The following FMN1 variants were observed in gnomAD, a reference collection of about 807,000 sequenced individuals.
FMN1 encodes the protein formin 1.
Under a neutral mutation model 132.4 loss-of-function variants are expected in FMN1, and 110 were observed. That is an observed-to-expected ratio of 0.83 (90% CI 0.71 to 0.97). FMN1 has a LOEUF of 0.97. Ranked by LOEUF, FMN1 falls within the 50% of genes least tolerant of loss-of-function variation. The pLI is 0.00. For synonymous variants in FMN1, 722 were observed against 651.7 expected (o/e 1.11, Z -1.64); for missense variants, 1,792 against 1,705.3 (o/e 1.05, Z -0.90).
intron 19 of FMN1, among the ~76,000 whole-genome samples, chr15:32,779,192 C>G (rs2056583914): frequency 6.6e-6 from 1 of 152,120 alleles, no homozygotes; most frequent in Admixed American, 6.5e-5. Flanking sequence ...TCAAAGATTT[C>G]CTCTAAAATC....
chr15:32,854,784 G>A (rs2059087756), intron 17 of FMN1, among the ~76,000 whole-genome samples: 1 of 151,946 alleles, frequency 6.6e-6, no homozygotes, highest in South Asian at 2.1e-4. Context: ...TGTGGTGGTG[G>A]GCGCCTGTAA....
intron 4 of FMN1, among the ~76,000 whole-genome samples, chr15:33,141,775 C>T (rs1222875319): frequency 6.6e-6 from 1 of 152,112 alleles, no homozygotes; most frequent in Non-Finnish European, 1.5e-5. Context: ...TCCCCAGGAA[C>T]TGCCCTCTGC....
intron 19 of FMN1, among the ~76,000 whole-genome samples, chr15:32,791,564 T>C (rs150345997): frequency 4.1e-4 from 62 of 152,130 alleles, no homozygotes; most frequent in Non-Finnish European, 5.1e-4. Context: ...CAAGAGGAAA[T>C]AGAAAACCTC....
At chr15:32,983,401 G>A (rs549224895) in intron 7 of FMN1, among the ~76,000 whole-genome samples, 5 of 152,246 alleles carry the variant, frequency 3.3e-5, no homozygotes, top group Admixed American at 2.0e-4. Context: ...AATTGTTTAC[G>A]GTAATGGAAA....
At chr15:33,039,053 A>C (rs1482750152) in intron 6 of FMN1, among the ~76,000 whole-genome samples, 1 of 152,240 alleles carries the variant, frequency 6.6e-6, no homozygotes, top group Non-Finnish European at 1.5e-5. Context: ...CTGAAGACTG[A>C]GAAAAACTGA....
At position 32,897,221 on chromosome 15, in the gene FMN1, T is replaced by C. The variant is rs149192796; in HGVS notation, c.3714+1613A>G. Among the ~76,000 whole-genome samples, 3 of 152,344 alleles carry C rather than the reference T, an allele frequency of 2.0e-5. No individual in the cohort carries two copies. In the East Asian group the frequency reaches 5.8e-4, roughly 29 times the overall value. ...CCTGTTGGCTATTTGTTTGTCTTAT[T>C]TGGAGAAATGTCTATTCAAGCCCAT... On this transcript the variant is annotated intron_variant, in intron 15 of 20. Transcript: ENST00000616417.
At chr15:33,078,540 T>G (rs2038314668) in intron 5 of FMN1, among the ~76,000 whole-genome samples, 1 of 152,146 alleles carries the variant, frequency 6.6e-6, no homozygotes, top group South Asian at 2.1e-4. Context: ...TTTATGATGT[T>G]CCTATGTGAG....
chr15:33,156,525 A>G (rs1287286368), intron 3 of FMN1, among the ~76,000 whole-genome samples: 5 of 151,778 alleles, frequency 3.3e-5, no homozygotes, highest in African/African-American at 4.8e-5. Flanking sequence ...CTTGGACTCA[A>G]GCGATCCTCC....
Position 32,773,661 on chromosome 15 carries a change from T to C in FMN1, c.*649A>G, listed in dbSNP as rs2140853071. The C allele has an allele frequency of 6.6e-6, 1 of 152,432 alleles. No homozygotes were observed. The allele number at this position is 152,432 out of a possible 1,614,324, so 9.4% of individuals were successfully genotyped here. A position where few individuals can be genotyped will look rare whatever the true frequency, so the allele number is the denominator to read the frequency against. Reference sequence around the variant, plus strand: ...GTAACTTGTTCTCCAGGATGAAGTTTATGGCTATTTGTCTCCCTCTCTCCA... The same window carrying C: ...GTAACTTGTTCTCCAGGATGAAGTTCATGGCTATTTGTCTCCCTCTCTCCA... On this transcript the variant is annotated 3_prime_UTR_variant, in exon 21 of 21. Transcript: ENST00000616417.
chr15:32,864,463 A>G (rs1474112254), intron 16 of FMN1, among the ~76,000 whole-genome samples: 1 of 152,254 alleles, frequency 6.6e-6, no homozygotes, highest in Non-Finnish European at 1.5e-5. Context: ...TTAATGACCC[A>G]TATGTGGAAA....
chr15:32,823,152 G>GTTTTTTTTTTTTT lies in FMN1; in HGVS notation c.3929-18833_3929-18821dup, dbSNP rs373185751. On this transcript the variant is annotated intron_variant, in intron 17 of 20. Transcript: ENST00000616417. ...GTCTCAAAGACAGAGAGTTTCTACT[G>GTTTTTTTTTTTTT]TTTTTTTTTTTTTTTTTTTTTTTTT... Among the ~76,000 whole-genome samples, 8 of 86,230 alleles carry GTTTTTTTTTTTTT rather than the reference G, an allele frequency of 9.3e-5. 1 individual carries two copies. The highest frequency in any genetic ancestry group is 3.7e-4 in the African/African-American group (7 of 18,754). 56.6% of individuals were successfully genotyped at this position (86,230 alleles called of 152,430 possible). A position where few individuals can be genotyped will look rare whatever the true frequency, so the allele number is the denominator to read the frequency against.
intron 7 of FMN1, among the ~76,000 whole-genome samples, chr15:32,971,665 A>G (rs1204370606): frequency 6.6e-6 from 1 of 152,242 alleles, no homozygotes; most frequent in Non-Finnish European, 1.5e-5. Context: ...TTCTTTCAAG[A>G]TTAAGAATCA....
At chr15:32,990,110 C>T (rs535892338) in intron 7 of FMN1, among the ~76,000 whole-genome samples, 3 of 152,196 alleles carry the variant, frequency 2.0e-5, no homozygotes, top group Admixed American at 6.5e-5. Flanking sequence ...TAGCTTTCCA[C>T]AAAAACTTAT....
intron 6 of FMN1, among the ~76,000 whole-genome samples, chr15:33,038,814 TAA>T (rs919767878): frequency 1.3e-5 from 2 of 152,216 alleles, no homozygotes; most frequent in African/African-American, 4.8e-5. Flanking sequence ...CCATTTAAAC[TAA>T]AGAGTACTAA....
intron 3 of FMN1, among the ~76,000 whole-genome samples, chr15:33,168,139 G>A (rs1035345085): frequency 2.0e-5 from 3 of 152,286 alleles, no homozygotes; most frequent in Middle Eastern, 3.4e-3. Context: ...CTTGTCCGAA[G>A]TCACAGAGTT....
intron 16 of FMN1, among the ~76,000 whole-genome samples, chr15:32,870,959 G>A (rs1243428273): frequency 6.6e-6 from 1 of 152,126 alleles, no homozygotes; most frequent in Non-Finnish European, 1.5e-5. Context: ...TTCTAAGATT[G>A]GTTTAGGAGG....
At chr15:32,993,365 G>T (rs1389586481) in intron 7 of FMN1, among the ~76,000 whole-genome samples, 2 of 152,034 alleles carry the variant, frequency 1.3e-5, no homozygotes, top group African/African-American at 2.4e-5. Flanking sequence ...ATGTCTAAAG[G>T]ATCTATTTGC....
In FMN1 at chr15:33,002,070, G is replaced by T. The variant is rs532674846; in HGVS notation, c.2223+5944C>A. On this transcript the variant is annotated intron_variant, in intron 7 of 20. Coordinates refer to ENST00000616417, the MANE Select transcript of FMN1 (RefSeq NM_001277313.2). ...AAATGGAAAGTTCTCTGCTTATTTAGGTTCTCTGCTTATTGAATCATGCTG... is the reference window on the plus strand; with the variant it reads ...AAATGGAAAGTTCTCTGCTTATTTATGTTCTCTGCTTATTGAATCATGCTG... Among the ~76,000 whole-genome samples, 3 of 152,260 alleles carry T rather than the reference G, an allele frequency of 2.0e-5. 1 individual carries two copies. The South Asian group carries it at 6.2e-4, about 32-fold the overall frequency.
In FMN1 at chr15:32,966,470, A is replaced by C. The variant is rs141867082; in HGVS notation, c.2988-2213T>G. On this transcript the variant is annotated intron_variant, in intron 8 of 20. Coordinates refer to ENST00000616417, the MANE Select transcript of FMN1 (RefSeq NM_001277313.2). ...ACCACTGAACATACAATTCTAGCTCAAAAGGAAGGCAGGGGGAGAGAGAGA... is the reference window on the plus strand; with the variant it reads ...ACCACTGAACATACAATTCTAGCTCCAAAGGAAGGCAGGGGGAGAGAGAGA... 2.3e-3 allele frequency among the ~76,000 whole-genome samples: 346 copies of C among 152,244 alleles called. 1 individual carries two copies. The highest frequency in any genetic ancestry group is 8.0e-3 in the African/African-American group (331 of 41,542).
Sources: gnomAD v4.1 joint callset for allele counts (sites outside exome capture counted in the v4.1 genomes callset) on GRCh38, gnomAD v4.1.1 for gene constraint, MANE v1.5 for transcripts, NCBI Gene and HGNC (gene_info 2026-07-23, HGNC 2026-07-21) for gene names.